CDH12: variants seen among roughly 807,000 people sequenced by gnomAD.
CDH12 encodes the protein cadherin-12.
CDH12 carries 41 observed loss-of-function variants against 74.1 expected under a neutral mutation model. That is an observed-to-expected ratio of 0.55 (90% CI 0.43 to 0.72). The LOEUF (loss-of-function observed/expected upper bound fraction) is 0.72. CDH12 is among the 30% of genes least tolerant of loss of function. The probability of loss-of-function intolerance (pLI) is 0.00; values close to 1 mark genes in which losing one functional copy is unlikely to be tolerated. For synonymous variants in CDH12, 399 were observed against 355.0 expected (o/e 1.12, Z -1.39); for missense variants, 945 against 977.2 (o/e 0.97, Z 0.44).
chr5:22,221,601 G>A (rs537741662), intron 3 of CDH12, among the ~76,000 whole-genome samples: 30 of 151,832 alleles, frequency 2.0e-4, no homozygotes, highest in African/African-American at 6.5e-4. Context: ...TCATGCTCCC[G>A]CTAGTAATAT....
intron 4 of CDH12, among the ~76,000 whole-genome samples, chr5:22,128,550 T>C (rs71607798): frequency 6.6e-6 from 1 of 152,166 alleles, no homozygotes; most frequent in Non-Finnish European, 1.5e-5. Flanking sequence ...TTTTGACACA[T>C]GATCTCTCAA....
At chr5:22,415,600 C>G (rs1219859466) in intron 2 of CDH12, among the ~76,000 whole-genome samples, 2 of 152,148 alleles carry the variant, frequency 1.3e-5, no homozygotes, top group East Asian at 3.9e-4. Context: ...AAATGAAAAA[C>G]AAATGGCCCA....
chr5:22,796,830 A>G (rs1019530760), intron 1 of CDH12, among the ~76,000 whole-genome samples: 1 of 152,030 alleles, frequency 6.6e-6, no homozygotes, highest in African/African-American at 2.4e-5. Flanking sequence ...CAGATTTTTT[A>G]TCTTAAATAC....
At chr5:22,099,930 A>C (rs1744038964) in intron 4 of CDH12, among the ~76,000 whole-genome samples, 1 of 152,114 alleles carries the variant, frequency 6.6e-6, no homozygotes, top group Admixed American at 6.6e-5. Context: ...TATTTCTTCT[A>C]ACAGTCCCAC....
intron 3 of CDH12, among the ~76,000 whole-genome samples, chr5:22,224,098 T>C (rs553556237): frequency 1.3e-5 from 2 of 152,106 alleles, no homozygotes; most frequent in Admixed American, 1.3e-4. Flanking sequence ...TTAATTATCT[T>C]AGGGCAACTT....
At chr5:21,904,344 C>A (rs1452006178) in intron 6 of CDH12, among the ~76,000 whole-genome samples, 1 of 152,018 alleles carries the variant, frequency 6.6e-6, no homozygotes. Flanking sequence ...GGGGAGAGAA[C>A]ACAAGAGACA....
chr5:22,656,125 T>C (rs1047829220), intron 1 of CDH12, among the ~76,000 whole-genome samples: 1 of 152,208 alleles, frequency 6.6e-6, no homozygotes, highest in African/African-American at 2.4e-5. Flanking sequence ...ATTTTCGTAG[T>C]CCATGGCTCT....
intron 1 of CDH12, among the ~76,000 whole-genome samples, chr5:22,683,579 T>C (rs1454959436): frequency 6.6e-6 from 1 of 152,200 alleles, no homozygotes; most frequent in Non-Finnish European, 1.5e-5. Context: ...GCAACACATT[T>C]TTTTCTGCAT....
chr5:22,654,436 C>A (rs1310010048), intron 1 of CDH12, among the ~76,000 whole-genome samples: 6 of 151,418 alleles, frequency 4.0e-5, no homozygotes, highest in African/African-American at 1.5e-4. Context: ...ATTACAGGCA[C>A]CTGCCTCCAC....
intron 6 of CDH12, among the ~76,000 whole-genome samples, chr5:21,940,858 TCA>T (rs964595816): frequency 7.3e-5 from 11 of 150,566 alleles, no homozygotes; most frequent in African/African-American, 7.3e-5. Flanking sequence ...TCTCTCTCTC[TCA>T]CACACACACA....
intron 2 of CDH12, among the ~76,000 whole-genome samples, chr5:22,467,187 G>A (rs1382713024): frequency 6.6e-6 from 1 of 152,094 alleles, no homozygotes; most frequent in Non-Finnish European, 1.5e-5. Flanking sequence ...ATACTGGCAT[G>A]AGATGAGTAT....
At chr5:22,268,360 A>G (rs969281661) in intron 3 of CDH12, among the ~76,000 whole-genome samples, 4 of 152,112 alleles carry the variant, frequency 2.6e-5, no homozygotes, top group Non-Finnish European at 5.9e-5. Flanking sequence ...CCTGGGGAAT[A>G]GTGTAAAATA....
chr5:22,184,684 C>G (rs1441757097), intron 4 of CDH12, among the ~76,000 whole-genome samples: 3 of 152,180 alleles, frequency 2.0e-5, no homozygotes, highest in Non-Finnish European at 4.4e-5. Flanking sequence ...GAACTCCTGT[C>G]CTTACTTCAC....
rs188730335 is a variant in CDH12 at position 22,727,532 on chromosome 5, C to T, written c.-523+125526G>A. Among the ~76,000 whole-genome samples, 40 of 151,646 alleles carry T rather than the reference C, an allele frequency of 2.6e-4. No individual in the cohort carries two copies. The East Asian group carries it at 6.0e-3, about 23-fold the overall frequency. On this transcript the variant is annotated intron_variant, in intron 1 of 14. Coordinates refer to ENST00000382254, the MANE Select transcript of CDH12 (RefSeq NM_004061.5). ...CATTGTTGTTTATATAGTCATTACT[C>T]GTTTAGATTTGCATATTTAGCATTT...
At chr5:22,272,205 C>G (rs75553126) in intron 3 of CDH12, among the ~76,000 whole-genome samples, 2 of 152,178 alleles carry the variant, frequency 1.3e-5, no homozygotes, top group Non-Finnish European at 2.9e-5. Context: ...GCTGCTTCAC[C>G]TTGCATTTTA....
intron 5 of CDH12, among the ~76,000 whole-genome samples, chr5:21,980,488 AT>A (rs1757262860): frequency 6.6e-6 from 1 of 152,058 alleles, no homozygotes; most frequent in African/African-American, 2.4e-5. Context: ...TAAAACCATG[AT>A]TTCTGTGTCC....
chr5:21,764,953 T>G, intron 12 of CDH12, 25 bp downstream of exon 12: 1 of 1,612,812 alleles, frequency 6.2e-7, no homozygotes, highest in Non-Finnish European at 8.5e-7. Context: ...CTTTATACAC[T>G]CAAGGAACAA....
chr5:22,409,558 C>T (rs1580617764), intron 2 of CDH12, among the ~76,000 whole-genome samples: 1 of 151,966 alleles, frequency 6.6e-6, no homozygotes, highest in Admixed American at 6.6e-5. Flanking sequence ...AGTCATAATA[C>T]TTTTCTCTTT....
At chr5:22,283,504 G>A (rs1303427331) in intron 3 of CDH12, among the ~76,000 whole-genome samples, 2 of 151,684 alleles carry the variant, frequency 1.3e-5, no homozygotes, top group Non-Finnish European at 2.9e-5. Context: ...TTTGATAACT[G>A]ACATAAGAAC....
Sources: gnomAD v4.1 joint callset for allele counts (sites outside exome capture counted in the v4.1 genomes callset) on GRCh38, gnomAD v4.1.1 for gene constraint, MANE v1.5 for transcripts, NCBI Gene and HGNC (gene_info 2026-07-23, HGNC 2026-07-21) for gene names.